Variants in UQCC6 observed in about 807,000 individuals in gnomAD.
The protein encoded by UQCC6 is protein BRAWNIN.
the UQCC6 span, among the ~76,000 whole-genome samples, chr12:103,962,953 T>C: frequency 6.6e-5 from 10 of 152,366 alleles, no homozygotes; most frequent in African/African-American, 2.2e-4. Context: ...CATATAGATA[T>C]CTGAACTACC....
chr12:103,961,037 T>C, the UQCC6 span, among the ~76,000 whole-genome samples: 3 of 152,166 alleles, frequency 2.0e-5, no homozygotes, highest in Admixed American at 6.5e-5. Flanking sequence ...TCATAGGAGA[T>C]GACGACTCCC....
the UQCC6 span, among the ~76,000 whole-genome samples, chr12:103,959,036 C>T: frequency 6.6e-6 from 1 of 152,178 alleles, no homozygotes; most frequent in African/African-American, 2.4e-5. Context: ...AGAAACACTG[C>T]GTATAACCAA....
chr12:103,954,665 A>T, the UQCC6 span: 2 of 403,982 alleles, frequency 5.0e-6, no homozygotes, highest in South Asian at 4.6e-5. Context: ...CAAATATCCA[A>T]CCCGTATCAG....
chr12:103,955,101 G>A, the UQCC6 span: 1 of 577,390 alleles, frequency 1.7e-6, no homozygotes, highest in Non-Finnish European at 3.1e-6. Flanking sequence ...GATCACTTGA[G>A]GCCAGGAGTT....
chr12:103,956,901 T>A, the UQCC6 span: 1 of 589,396 alleles, frequency 1.7e-6, no homozygotes, highest in East Asian at 2.9e-5. Context: ...ACGCCTCGGT[T>A]TCCTCCTTTA....
chr12:103,961,828 G>A, the UQCC6 span, among the ~76,000 whole-genome samples: 2 of 152,112 alleles, frequency 1.3e-5, no homozygotes, highest in African/African-American at 2.4e-5. Context: ...CCAAAGTGCT[G>A]GGATTACAGG....
chr12:103,950,541 C>T, the UQCC6 span: 1 of 152,226 alleles, frequency 6.6e-6, no homozygotes, highest in East Asian at 1.9e-4. Context: ...CCGAGGCAAT[C>T]CTTCTAGAAG....
At chr12:103,962,299 A>T in the UQCC6 span, among the ~76,000 whole-genome samples, 1 of 152,280 alleles carries the variant, frequency 6.6e-6, no homozygotes, top group Non-Finnish European at 1.5e-5. Context: ...AGAAGTTTTT[A>T]ATTTTAATAA....
the UQCC6 span, chr12:103,955,639 A>T: frequency 0.043 from 17,804 of 418,666 alleles, 819 homozygotes; most frequent in East Asian, 0.15. Flanking sequence ...TAATTTTTTT[A>T]AAATTATTTT....
At chr12:103,952,613 GCACTATTTTATATTCC>G in the UQCC6 span, among the ~76,000 whole-genome samples, 1 of 152,196 alleles carries the variant, frequency 6.6e-6, no homozygotes, top group African/African-American at 2.4e-5. Context: ...TGAAGCCACT[GCACTATTTTATATTCC>G]CATCAACAAT....
At chr12:103,964,198 G>A in the UQCC6 span, among the ~76,000 whole-genome samples, 7 of 127,020 alleles carry the variant, frequency 5.5e-5, no homozygotes, top group South Asian at 1.8e-3. Context: ...TGTAGCCCAG[G>A]CTGGAGGGCA....
chr12:103,955,788 C>T, the UQCC6 span: 1 of 456,024 alleles, frequency 2.2e-6, no homozygotes, highest in Non-Finnish European at 4.4e-6. Context: ...CATAACAGCA[C>T]ATTCTTGTAA....
chr12:103,959,589 G>A, the UQCC6 span, among the ~76,000 whole-genome samples: 7 of 151,680 alleles, frequency 4.6e-5, no homozygotes, highest in Non-Finnish European at 8.8e-5. Flanking sequence ...GTGTGCGCCT[G>A]TAGTCCCAGC....
the UQCC6 span, among the ~76,000 whole-genome samples, chr12:103,962,729 T>C: frequency 3.2e-4 from 49 of 152,362 alleles, no homozygotes; most frequent in Non-Finnish European, 2.2e-4. Context: ...TGGGTATAAA[T>C]ATGACTGCAG....
chr12:103,956,717 A>C, the UQCC6 span: 6 of 1,551,534 alleles, frequency 3.9e-6, no homozygotes, highest in African/African-American at 8.2e-5. Flanking sequence ...AGGTAGGTGG[A>C]CATGGGCACG....
the UQCC6 span, chr12:103,953,686 A>C: frequency 1.5e-6 from 1 of 658,474 alleles, no homozygotes; most frequent in Admixed American, 2.1e-5. Context: ...GAGATACCCC[A>C]TTGCCAATGT....
chr12:103,963,354 G>A, the UQCC6 span, among the ~76,000 whole-genome samples: 1 of 152,160 alleles, frequency 6.6e-6, no homozygotes, highest in African/African-American at 2.4e-5. Context: ...GGGGTTACAG[G>A]CATGAGCCAC....
the UQCC6 span, chr12:103,954,598 C>T: frequency 1.5e-5 from 4 of 266,766 alleles, no homozygotes; most frequent in East Asian, 8.3e-5. Flanking sequence ...AAACACCTCC[C>T]GCCAGGTCCT....
At chr12:103,955,506 A>T in the UQCC6 span, among the ~76,000 whole-genome samples, 1 of 152,080 alleles carries the variant, frequency 6.6e-6, no homozygotes, top group Non-Finnish European at 1.5e-5. Context: ...GTGTGATGGT[A>T]CACAGTCATC....
Sources: allele counts gnomAD v4.1 joint callset (sites outside exome capture counted in the v4.1 genomes callset), GRCh38; gene constraint gnomAD v4.1.1; transcripts MANE v1.5; gene names NCBI Gene and HGNC (gene_info 2026-07-23, HGNC 2026-07-21).